R3HDM1: variants seen among roughly 807,000 people sequenced by gnomAD.
The protein encoded by R3HDM1 is R3H domain containing 1.
R3HDM1 carries 46 observed loss-of-function variants against 141.1 expected under a neutral mutation model. The ratio of observed to expected loss-of-function variants is 0.33; its 90% confidence interval spans 0.26 to 0.42. The LOEUF (loss-of-function observed/expected upper bound fraction) is 0.42, where lower values mean the gene tolerates loss of function less well. Among genes scored for constraint, R3HDM1 ranks in the 10% least tolerant of loss-of-function variants. R3HDM1 has a pLI of 1.00. For synonymous variants in R3HDM1, 435 were observed against 472.9 expected (o/e 0.92, Z 1.04); for missense variants, 1,184 against 1,368.3 (o/e 0.87, Z 2.12).
intron 1 of R3HDM1, among the ~76,000 whole-genome samples, chr2:135,561,085 G>C (rs1386113536): frequency 3.9e-5 from 6 of 151,976 alleles, no homozygotes; most frequent in African/African-American, 1.2e-4. Flanking sequence ...AAGTTTTAAG[G>C]GTTAATTATC....
chr2:135,699,000 TAGA>T (rs2073729395), intron 21 of R3HDM1, among the ~76,000 whole-genome samples: 1 of 112,140 alleles, frequency 8.9e-6, no homozygotes, highest in Admixed American at 8.9e-5. Context: ...GATAGATAGA[TAGA>T]TAGATAGATA....
intron 1 of R3HDM1, among the ~76,000 whole-genome samples, chr2:135,571,718 T>C (rs1704155506): frequency 6.6e-6 from 1 of 152,052 alleles, no homozygotes; most frequent in South Asian, 2.1e-4. Flanking sequence ...CCTCTACCCC[T>C]GGGGCTCTAG....
At chr2:135,685,939 T>A (rs183328981) in intron 21 of R3HDM1, among the ~76,000 whole-genome samples, 63 of 152,264 alleles carry the variant, frequency 4.1e-4, no homozygotes, top group African/African-American at 1.5e-3. Context: ...AACTGCAAAT[T>A]TGCCAGCTGT....
In R3HDM1 at chr2:135,631,842, G is replaced by C; in HGVS notation, c.558-19G>C. ...CCATTCTCCTTGACTTACTAAGTTG[G>C]TTTTTCTTGTGCTTCTAGGTCTCCA... On this transcript the variant is annotated intron_variant, in intron 8 of 26. Transcript: ENST00000683871. The C allele has an allele frequency of 6.3e-7, 1 of 1,597,482 alleles. No individual in the cohort carries two copies. Among genetic ancestry groups the C allele is most frequent in the Non-Finnish European group, 8.5e-7 (1 of 1,172,846 alleles).
At chr2:135,596,878 TTTGTATAAGGCGTTTCC>T in intron 1 of R3HDM1, 1 of 318,452 alleles carries the variant, frequency 3.1e-6, no homozygotes, top group Non-Finnish European at 4.5e-6. Flanking sequence ...TACATGTCCC[TTTGTATAAGGCGTTTCC>T]TTAGGGTGTA....
In R3HDM1 at chr2:135,616,823, A is replaced by C. The variant is rs867520306; in HGVS notation, c.303+66A>C. The C allele has an allele frequency of 1.3e-5, 18 of 1,335,912 alleles. 1 individual carries two copies. The South Asian group carries it at 2.3e-4, about 17-fold the overall frequency. 82.8% of individuals were successfully genotyped at this position (1,335,912 alleles called of 1,614,324 possible). A position where few individuals can be genotyped will look rare whatever the true frequency, so the allele number is the denominator to read the frequency against. On this transcript the variant is annotated intron_variant, in intron 5 of 26. Transcript: ENST00000683871. ...ACTGGAGAATTTTTGTATATGATTT[A>C]AGTTGTGTTTGTTATATTTGTTTTA...
intron 21 of R3HDM1, among the ~76,000 whole-genome samples, chr2:135,687,093 G>T (rs2071478766): frequency 6.6e-6 from 1 of 152,118 alleles, no homozygotes; most frequent in Middle Eastern, 3.2e-3. Flanking sequence ...TACTCAGGAG[G>T]CTGAGGCACA....
intron 18 of R3HDM1, chr2:135,656,557 TG>T (rs1214176179): frequency 6.6e-6 from 1 of 152,208 alleles, no homozygotes; most frequent in Non-Finnish European, 1.5e-5. Flanking sequence ...GTTCCAATTT[TG>T]TCTTTTTAGG....
chr2:135,567,191 C>T (rs1702987004), intron 1 of R3HDM1, among the ~76,000 whole-genome samples: 2 of 152,146 alleles, frequency 1.3e-5, no homozygotes, highest in South Asian at 2.1e-4. Flanking sequence ...CAATCTGCAG[C>T]CCGTAGACAG....
intron 1 of R3HDM1, among the ~76,000 whole-genome samples, chr2:135,558,326 GC>G (rs1701160475): frequency 6.6e-6 from 1 of 152,178 alleles, no homozygotes; most frequent in South Asian, 2.1e-4. Context: ...GCTGTATGTG[GC>G]TGGTAGCTAC....
chr2:135,645,184 G>A, intron 15 of R3HDM1, 195 bp from the exon 16 acceptor site: 1 of 430,140 alleles, frequency 2.3e-6, no homozygotes. Context: ...TTTAAGTGAG[G>A]GAAATAAAGA....
At chr2:135,547,805 G>A (rs1243572806) in intron 1 of R3HDM1, among the ~76,000 whole-genome samples, 3 of 114,968 alleles carry the variant, frequency 2.6e-5, no homozygotes, top group Non-Finnish European at 4.9e-5. Flanking sequence ...ACAGAGTCTT[G>A]CTCTGTCGCC....
chr2:135,630,654 A>G (rs2062618765), intron 7 of R3HDM1, among the ~76,000 whole-genome samples: 1 of 152,196 alleles, frequency 6.6e-6, no homozygotes, highest in Admixed American at 6.5e-5. Context: ...AGCAGGGGCT[A>G]CCAGTTCTTC....
chr2:135,663,218 G>A (rs577066801), intron 19 of R3HDM1, among the ~76,000 whole-genome samples: 60 of 151,512 alleles, frequency 4.0e-4, no homozygotes, highest in African/African-American at 1.4e-3. Context: ...CTATGTGACA[G>A]ATAGCATGTG....
intron 19 of R3HDM1, among the ~76,000 whole-genome samples, chr2:135,661,967 G>A (rs1299041551): frequency 1.3e-5 from 2 of 152,142 alleles, no homozygotes; most frequent in East Asian, 3.8e-4. Flanking sequence ...TTAAAACTCA[G>A]CATTGTTTTT....
chr2:135,679,834 C>T (rs2069918167), intron 20 of R3HDM1, among the ~76,000 whole-genome samples: 3 of 152,172 alleles, frequency 2.0e-5, no homozygotes, highest in Admixed American at 2.0e-4. Flanking sequence ...AATCCCAGCA[C>T]TTTGGGAAGC....
chr2:135,570,077 A>G (rs1428363911), intron 1 of R3HDM1, among the ~76,000 whole-genome samples: 1 of 152,210 alleles, frequency 6.6e-6, no homozygotes, highest in Non-Finnish European at 1.5e-5. Context: ...TTTTCATTCA[A>G]GAATTAGAAA....
chr2:135,625,426 T>G (rs1005929980), intron 7 of R3HDM1, among the ~76,000 whole-genome samples: 7 of 151,932 alleles, frequency 4.6e-5, no homozygotes, highest in African/African-American at 1.7e-4. Flanking sequence ...GCCTGGGCAA[T>G]AAGAGCAAAA....
intron 18 of R3HDM1, among the ~76,000 whole-genome samples, chr2:135,654,470 A>T (rs936327656): frequency 1.1e-3 from 161 of 141,088 alleles, no homozygotes; most frequent in African/African-American, 4.0e-3. Flanking sequence ...GTTGTTGTTG[A>T]GACAGAGTCT....
Sources: allele counts gnomAD v4.1 joint callset (sites outside exome capture counted in the v4.1 genomes callset), GRCh38; gene constraint gnomAD v4.1.1; transcripts MANE v1.5; gene names NCBI Gene and HGNC (gene_info 2026-07-23, HGNC 2026-07-21).